The following SPATS2 variants were observed in gnomAD, a reference collection of about 807,000 sequenced individuals.
The protein encoded by SPATS2 is spermatogenesis associated serine rich 2, also known as spermatogenesis-associated serine-rich protein 2.
Under a neutral mutation model 63.7 loss-of-function variants are expected in SPATS2, and 38 were observed. The ratio of observed to expected loss-of-function variants is 0.60; its 90% CI spans 0.46 to 0.78. SPATS2 has a LOEUF of 0.78. Ranked by LOEUF, SPATS2 falls within the 30% of genes least tolerant of loss-of-function variation. The pLI is 0.00. For synonymous variants in SPATS2, 207 were observed against 232.9 expected, an observed-to-expected ratio of 0.89 and a Z score of 1.01; for missense variants, 588 against 666.2, an observed-to-expected ratio of 0.88 and a Z score of 1.29.
chr12:49,450,186 A>G (rs932300462), intron 2 of SPATS2, among the ~76,000 whole-genome samples: 2 of 149,238 alleles, frequency 1.3e-5, no homozygotes, highest in African/African-American at 4.9e-5. Context: ...ATACAGTTGG[A>G]TCTTGTTTTT....
chr12:49,395,372 G>A (rs1944490601), intron 2 of SPATS2, among the ~76,000 whole-genome samples: 1 of 150,816 alleles, frequency 6.6e-6, no homozygotes. Flanking sequence ...AGCAGTGAAA[G>A]TAAATATCTT....
intron 2 of SPATS2, among the ~76,000 whole-genome samples, chr12:49,372,769 A>G (rs1944020621): frequency 6.6e-6 from 1 of 152,138 alleles, no homozygotes; most frequent in African/African-American, 2.4e-5. Flanking sequence ...TCGAGCGGAT[A>G]CCTGGAATAC....
intron 2 of SPATS2, among the ~76,000 whole-genome samples, chr12:49,456,111 C>A (rs2137646117): frequency 6.6e-6 from 1 of 152,240 alleles, no homozygotes; most frequent in Non-Finnish European, 1.5e-5. Flanking sequence ...CACAAGTCAG[C>A]CCCCTCTGTC....
At chr12:49,379,173 G>C (rs1233807939) in intron 2 of SPATS2, among the ~76,000 whole-genome samples, 1 of 151,602 alleles carries the variant, frequency 6.6e-6, no homozygotes, top group Non-Finnish European at 1.5e-5. Flanking sequence ...ACCCACCTCG[G>C]CCTCCCAAAG....
intron 2 of SPATS2, among the ~76,000 whole-genome samples, chr12:49,411,312 G>A (rs765073371): frequency 2.6e-5 from 4 of 152,054 alleles, no homozygotes; most frequent in Non-Finnish European, 4.4e-5. Flanking sequence ...GGCTCCCACC[G>A]GATGTGCCCC....
intron 2 of SPATS2, among the ~76,000 whole-genome samples, chr12:49,404,671 G>A (rs913849677): frequency 6.6e-6 from 1 of 152,152 alleles, no homozygotes; most frequent in Non-Finnish European, 1.5e-5. Flanking sequence ...GCAGCCACAG[G>A]TATGCTGTCT....
chr12:49,526,156 T>C lies in SPATS2; in HGVS notation c.1539T>C (p.Thr513=). ...CTCACTCTGCAGGGACCAATGGAAC[T>C]GGAGTCAGCATGGAGCCCAGCCCTC... ...GQTHSAGTNG[T]GVSMEPSPPT... Residue 513 remains threonine, a synonymous_variant, in exon 14 of 14, where the codon ACT becomes ACC. Coordinates refer to ENST00000552918, the MANE Select transcript of SPATS2 (RefSeq NM_023071.4). The C allele has an allele frequency of 6.2e-7, 1 of 1,614,204 alleles. No individual in the cohort carries two copies. The highest frequency in any genetic ancestry group is 8.5e-7 in the Non-Finnish European group (1 of 1,180,038).
At chr12:49,423,080 C>T (rs1045325101) in intron 2 of SPATS2, among the ~76,000 whole-genome samples, 1 of 151,928 alleles carries the variant, frequency 6.6e-6, no homozygotes. Context: ...AAAAAGTCTT[C>T]CCTATTTGGG....
intron 9 of SPATS2, among the ~76,000 whole-genome samples, chr12:49,500,448 C>A (rs950300824): frequency 6.6e-6 from 1 of 152,096 alleles, no homozygotes; most frequent in African/African-American, 2.4e-5. Flanking sequence ...TGGAAAGGGA[C>A]ACATAATTAT....
intron 2 of SPATS2, chr12:49,406,474 G>A (rs925983643): frequency 2.0e-5 from 3 of 152,114 alleles, no homozygotes; most frequent in African/African-American, 7.3e-5. Flanking sequence ...TTTTTGTAGA[G>A]ATGGAGTCTC....
chr12:49,453,052 G>A (rs1335031772), intron 2 of SPATS2, among the ~76,000 whole-genome samples: 4 of 151,942 alleles, frequency 2.6e-5, no homozygotes, highest in Middle Eastern at 3.4e-3. Flanking sequence ...CCAGCTACTC[G>A]GGAGGCTGAG....
chr12:49,505,257 C>T (rs1946637943), intron 9 of SPATS2, among the ~76,000 whole-genome samples: 1 of 152,116 alleles, frequency 6.6e-6, no homozygotes, highest in South Asian at 2.1e-4. Context: ...TATGTATTAT[C>T]AAAAATGTAC....
intron 2 of SPATS2, among the ~76,000 whole-genome samples, chr12:49,453,387 C>T (rs1945659910): frequency 6.6e-6 from 1 of 152,038 alleles, no homozygotes; most frequent in Non-Finnish European, 1.5e-5. Context: ...GTTTTCGTTG[C>T]TTTATTGTTT....
Position 49,414,452 on chromosome 12 carries a change from G to A in SPATS2, c.-244+43162G>A, listed in dbSNP as rs78875905. Among the ~76,000 whole-genome samples the A allele has an allele frequency of 8.7e-3, 1,329 of 152,048 alleles. 10 individuals carry two copies. Among genetic ancestry groups the A allele is most frequent in the Non-Finnish European group, 0.012 (794 of 67,972 alleles). ...TATTTTCAAAGGGTTAAAAAAAAAA[G>A]TTCAACAGAGACTGTATATGGCCCT... is the stretch of plus-strand genomic sequence containing the variant. On this transcript the variant is annotated intron_variant, in intron 2 of 13. Coordinates refer to ENST00000552918, the MANE Select transcript of SPATS2 (RefSeq NM_023071.4).
intron 2 of SPATS2, among the ~76,000 whole-genome samples, chr12:49,426,271 T>C (rs1945074393): frequency 6.6e-6 from 1 of 152,108 alleles, no homozygotes; most frequent in Non-Finnish European, 1.5e-5. Context: ...GTAATGAATT[T>C]TTACATTGAA....
rs371577143 is a variant in SPATS2 at position 49,438,370 on chromosome 12, T to C, written c.-243-22400T>C. ...GTCTATTCATCTTCTTGTTACCAGA[T>C]TGGGCTATTATGAATAAAGCTGCTG... On this transcript the variant is annotated intron_variant, in intron 2 of 13. Coordinates refer to ENST00000552918, the MANE Select transcript of SPATS2 (RefSeq NM_023071.4). 4.7e-4 allele frequency among the ~76,000 whole-genome samples: 72 copies of C among 152,348 alleles called. No homozygotes were observed. The South Asian group carries it at 0.012, about 26-fold the overall frequency.
At position 49,507,312 on chromosome 12, in the gene SPATS2, G is replaced by A. The variant is rs567152040; in HGVS notation, c.839+7107G>A. Reference sequence around the variant, plus strand: ...ATTATCAAGCTATGTAAAAAGCATGGTATTTACACTGGCGGAAAGGTTGGG... The same window carrying A: ...ATTATCAAGCTATGTAAAAAGCATGATATTTACACTGGCGGAAAGGTTGGG... On this transcript the variant is annotated intron_variant, in intron 9 of 13. Coordinates refer to ENST00000552918, the MANE Select transcript of SPATS2 (RefSeq NM_023071.4). 5.3e-5 allele frequency among the ~76,000 whole-genome samples: 8 copies of A among 152,242 alleles called. No individual in the cohort carries two copies. In the East Asian group the frequency reaches 5.8e-4, roughly 11 times the overall value.
chr12:49,500,643 G>A (rs560990006), intron 9 of SPATS2, among the ~76,000 whole-genome samples: 150 of 152,112 alleles, frequency 9.9e-4, no homozygotes, highest in Non-Finnish European at 1.8e-3. Context: ...GTGGTGGCGC[G>A]CGCCTGTAGT....
chr12:49,465,776 T>A (rs1945903401), intron 3 of SPATS2, among the ~76,000 whole-genome samples: 1 of 152,112 alleles, frequency 6.6e-6, no homozygotes, highest in African/African-American at 2.4e-5. Context: ...AAACCCTGTC[T>A]CTACTAAAAA....
Sources: allele counts gnomAD v4.1 joint callset (sites outside exome capture counted in the v4.1 genomes callset), GRCh38; gene constraint gnomAD v4.1.1; transcripts MANE v1.5; gene names NCBI Gene and HGNC (gene_info 2026-07-23, HGNC 2026-07-21).